STAT2: variants seen among roughly 807,000 people sequenced by gnomAD.
STAT2 encodes signal transducer and activator of transcription 2.
STAT2 carries 51 observed loss-of-function variants against 122.3 expected under a neutral mutation model. The observed-to-expected ratio is 0.42, with a 90% CI of 0.33 to 0.53. The LOEUF (loss-of-function observed/expected upper bound fraction) is 0.53. STAT2 is among the 20% of genes least tolerant of loss of function. The probability of loss-of-function intolerance (pLI) is 0.10; values close to 1 mark genes in which losing one functional copy is unlikely to be tolerated. For synonymous variants in STAT2, 351 were observed against 394.9 expected, an observed-to-expected ratio of 0.89 and a Z score of 1.32; for missense variants, 736 against 1,010.3, an observed-to-expected ratio of 0.73 and a Z score of 3.68.
intron 23 of STAT2, 57 bp from the exon 24 acceptor site, chr12:56,343,588 A>C: frequency 6.3e-7 from 1 of 1,584,776 alleles, no homozygotes; most frequent in Non-Finnish European, 8.6e-7. Flanking sequence ...TTCCCAACCC[A>C]GCAGGGAAAG....
chr12:56,348,718 A>T, intron 18 of STAT2, 34 bp downstream of exon 18: 1 of 1,614,182 alleles, frequency 6.2e-7, no homozygotes, highest in African/African-American at 1.3e-5. Context: ...AATGTGGGCT[A>T]GATCCAGCAG....
intron 8 of STAT2, among the ~76,000 whole-genome samples, chr12:56,353,569 C>T (rs998936097): frequency 1.3e-5 from 2 of 151,972 alleles, no homozygotes; most frequent in Non-Finnish European, 2.9e-5. Flanking sequence ...TAAAATATAG[C>T]GTTTCCTGGA....
At chr12:56,345,524 A>AAATATATAT (rs1555169410) in intron 22 of STAT2, among the ~76,000 whole-genome samples, 2 of 26,250 alleles carry the variant, frequency 7.6e-5, no homozygotes, top group African/African-American at 5.3e-4. Context: ...AAAAAAAAAA[A>AAATATATAT]ATATATATAT....
At chr12:56,348,646 G>C in intron 18 of STAT2, 23 bp from the exon 19 acceptor site, 1 of 1,614,186 alleles carries the variant, frequency 6.2e-7, no homozygotes, top group Non-Finnish European at 8.5e-7. Context: ...TGGAAAGGTA[G>C]CAAAAGCTGA....
intron 1 of STAT2, among the ~76,000 whole-genome samples, chr12:56,358,335 T>G (rs896858092): frequency 6.6e-6 from 1 of 150,722 alleles, no homozygotes. Context: ...AAACTCTGCC[T>G]CCCGAGTTGA....
In STAT2 at chr12:56,354,457, A is replaced by G. The variant is rs1366805794; in HGVS notation, c.782+9T>C. 12 of 1,614,008 alleles carry G rather than the reference A, an allele frequency of 7.4e-6. No individual in the cohort carries two copies. Among genetic ancestry groups the G allele is most frequent in the East Asian group, 2.2e-5 (1 of 44,872 alleles). ...TGGCGAGGACGAGGGTTGGGGTGGT[A>G]CCTCTCACCATGTCTCCAGCTGTTC... is the stretch of plus-strand genomic sequence containing the variant. On this transcript the variant is annotated intron_variant, in intron 8 of 23. Transcript: ENST00000314128.
In STAT2 at chr12:56,346,517, G is replaced by A. The variant is rs369986109; in HGVS notation, c.1969C>T (p.Pro657Ser). Residue 657 changes from proline to serine, a missense_variant, in exon 21 of 24, where the codon CCT becomes TCT. Coordinates refer to ENST00000314128, the MANE Select transcript of STAT2 (RefSeq NM_005419.4). Reference sequence around the variant, plus strand: ...TAGAGGAAGCGCAGTGGGTTTTCAGGTATATTCTCCTCAGTGAGCAACTGG... The same window carrying A: ...TAGAGGAAGCGCAGTGGGTTTTCAGATATATTCTCCTCAGTGAGCAACTGG... Reference protein sequence around the residue: ...HYQLLTEENIPENPLRFLYPR... With the variant: ...HYQLLTEENISENPLRFLYPR... 1.8e-5 allele frequency: 29 copies of A among 1,614,088 alleles called. No individual in the cohort carries two copies. Among genetic ancestry groups the A allele is most frequent in the Non-Finnish European group, 2.3e-5 (27 of 1,180,040 alleles).
intron 8 of STAT2, among the ~76,000 whole-genome samples, chr12:56,353,396 G>A (rs544062048): frequency 6.6e-6 from 1 of 152,026 alleles, no homozygotes; most frequent in South Asian, 2.1e-4. Flanking sequence ...GCCTTCCAAA[G>A]TACTAGGATA....
intron 21 of STAT2, 58 bp downstream of exon 21, chr12:56,346,384 C>A: frequency 6.2e-7 from 1 of 1,601,404 alleles, no homozygotes; most frequent in Non-Finnish European, 8.5e-7. Flanking sequence ...GGAGTGGGAT[C>A]TATGGATGTC....
chr12:56,354,016 A>AAT (rs1555171512), intron 8 of STAT2, among the ~76,000 whole-genome samples: 33 of 16,690 alleles, frequency 2.0e-3, no homozygotes, highest in Non-Finnish European at 2.6e-3. Flanking sequence ...AAAAAAAAAA[A>AAT]ATATATATAT....
rs533695716 is a variant in STAT2, at chr12:56,359,095, G to C, written c.-8+963C>G. Among the ~76,000 whole-genome samples, 9 of 152,294 alleles carry C rather than the reference G, an allele frequency of 5.9e-5. No homozygotes were observed. The South Asian group carries it at 6.2e-4, about 11-fold the overall frequency. ...TCACATGATTTTATTACAAAATAAAGAGAAATGCTTGGGGTGGGAGAGTCT... is the reference window on the plus strand; with the variant it reads ...TCACATGATTTTATTACAAAATAAACAGAAATGCTTGGGGTGGGAGAGTCT... On this transcript the variant is annotated intron_variant, in intron 1 of 23. Transcript: ENST00000314128.
intron 8 of STAT2, among the ~76,000 whole-genome samples, chr12:56,354,016 A>AAAAAAAAATATATATATATATATAT (rs71081350): frequency 6.0e-5 from 1 of 16,676 alleles, no homozygotes; most frequent in African/African-American, 1.1e-4. Context: ...AAAAAAAAAA[A>AAAAAAAAATATATATATATATATAT]ATATATATAT....
intron 11 of STAT2, 43 bp from the exon 12 acceptor site, chr12:56,350,475 A>G: frequency 1.9e-6 from 3 of 1,564,622 alleles, no homozygotes; most frequent in Middle Eastern, 1.7e-4. Context: ...GCAAAAGAGT[A>G]TGGAAGTTAG....
Position 56,350,682 on chromosome 12 carries a change from T to A in STAT2, c.1094+147A>T, listed in dbSNP as rs983968963. 49 of 938,066 alleles carry A rather than the reference T, an allele frequency of 5.2e-5. 1 individual carries two copies. Among genetic ancestry groups the A allele is most frequent in the Admixed American group, 4.6e-4 (23 of 49,606 alleles). 58.1% of individuals were successfully genotyped at this position (938,066 alleles called of 1,614,324 possible). A position where few individuals can be genotyped will look rare whatever the true frequency, so the allele number is the denominator to read the frequency against. On this transcript the variant is annotated intron_variant, in intron 11 of 23. Transcript: ENST00000314128. ...GACATGCTGCATGTCACAAAGTAAGTGTTCAACAAAAGAAATGAATTATAA... is the reference window on the plus strand; with the variant it reads ...GACATGCTGCATGTCACAAAGTAAGAGTTCAACAAAAGAAATGAATTATAA...
At chr12:56,343,660 G>A (rs1398346419) in intron 23 of STAT2, 129 bp from the exon 24 acceptor site, 12 of 1,516,892 alleles carry the variant, frequency 7.9e-6, no homozygotes, top group Admixed American at 4.0e-5. Flanking sequence ...GGATGAAAGA[G>A]CAGGGAGGTG....
At chr12:56,357,581 G>A (rs1348364674) in intron 1 of STAT2, among the ~76,000 whole-genome samples, 3 of 151,922 alleles carry the variant, frequency 2.0e-5, no homozygotes, top group Non-Finnish European at 4.4e-5. Context: ...TCCTGAACTC[G>A]TGATCTGCCT....
intron 19 of STAT2, among the ~76,000 whole-genome samples, chr12:56,348,180 CAGGTT>C (rs1877825647): frequency 6.6e-6 from 1 of 151,024 alleles, no homozygotes; most frequent in Non-Finnish European, 1.5e-5. Flanking sequence ...CTCCATCTCC[CAGGTT>C]CACGCCATTT....
At position 56,351,450 on chromosome 12, in the gene STAT2, C is replaced by T; in HGVS notation, c.783G>A (p.Trp261Ter). Residue 261 changes from tryptophan to a stop codon, truncating the protein, a stop_gained and splice_region_variant, in exon 9 of 24, where the codon TGG becomes TGA. Transcript: ENST00000314128. LOFTEE classifies it high-confidence loss of function. ...IDHGLEQLET[W>*]FTAGAKLLFH... is the part of the protein sequence containing the mutation. ...ACAACAGCTTTGCTCCAGCTGTGAA[C>T]CTGGGTGATAAAATTCAGGAAGAAG... The T allele has an allele frequency of 6.2e-7, 1 of 1,611,586 alleles. No individual in the cohort carries two copies. The highest frequency in any genetic ancestry group is 8.5e-7 in the Non-Finnish European group (1 of 1,179,222).
In STAT2 at chr12:56,349,506, G is replaced by A. The variant is rs1878102120; in HGVS notation, c.1261C>T (p.Pro421Ser). The change falls in exon 15 of 24, where the codon CCA becomes TCA. Residue 421 changes from proline to serine, a missense_variant. By Grantham distance (74) the Pro-to-Ser change is moderately conservative. Transcript: ENST00000314128. The part of the protein sequence containing the change: ...GGSGKGSNKG[P>S]LGVTEELHII... ...TGCAGTTCCTCTGTCACACCTAGTG[G>A]CCCCTGGGACAGCCAAAGACATAGT... 1.9e-6 allele frequency: 3 copies of A among 1,614,136 alleles called. No individual in the cohort carries two copies. The highest frequency in any genetic ancestry group is 2.5e-6 in the Non-Finnish European group (3 of 1,180,036).
Sources: gnomAD v4.1 joint callset for allele counts (sites outside exome capture counted in the v4.1 genomes callset) on GRCh38, gnomAD v4.1.1 for gene constraint, MANE v1.5 for transcripts, NCBI Gene and HGNC (gene_info 2026-07-23, HGNC 2026-07-21) for gene names.